CDC16: variants seen among roughly 807,000 people sequenced by gnomAD.
The protein encoded by CDC16 is cell division cycle 16, also known as cell division cycle protein 16 homolog.
CDC16 carries 34 observed loss-of-function variants against 87.0 expected under a neutral mutation model. That is an observed-to-expected ratio of 0.39 (90% CI 0.30 to 0.52). The LOEUF (loss-of-function observed/expected upper bound fraction) is 0.52. Ranked by LOEUF, CDC16 falls within the 20% of genes least tolerant of loss-of-function variation. The probability of loss-of-function intolerance (pLI) is 0.74; values close to 1 mark genes in which losing one functional copy is unlikely to be tolerated. For missense variants in CDC16, 653 were observed against 751.9 expected (o/e 0.87, Z 1.54); for synonymous variants, 263 against 260.6 (o/e 1.01, Z -0.09).
At chr13:114,253,658 C>T (rs1432337213) in intron 12 of CDC16, among the ~76,000 whole-genome samples, 2 of 146,866 alleles carry the variant, frequency 1.4e-5, no homozygotes, top group Non-Finnish European at 3.0e-5. Flanking sequence ...CACTGCACTC[C>T]AGCCTGGGCG....
intron 5 of CDC16, among the ~76,000 whole-genome samples, chr13:114,240,177 T>TA (rs2081473651): frequency 6.6e-6 from 1 of 152,134 alleles, no homozygotes; most frequent in African/African-American, 2.4e-5. Flanking sequence ...CTGTAAGCCT[T>TA]ACCTGACCTA....
intron 17 of CDC16, among the ~76,000 whole-genome samples, chr13:114,269,074 C>G (rs982703738): frequency 1.3e-5 from 2 of 152,176 alleles, no homozygotes; most frequent in Non-Finnish European, 2.9e-5. Context: ...TTTTACAATT[C>G]TGTGGGTTGA....
rs1352633302 is a variant in CDC16, at chr13:114,251,982, TGG to T, written c.1097+1309_1097+1310del. On this transcript the variant is annotated intron_variant, in intron 12 of 17. Transcript: ENST00000356221. Reference sequence around the variant, plus strand: ...GATAAGAGCCCTACACTAGCCCTGTTGGATAAGAGCCCTACACTAACCCTGTT... The same window carrying T: ...GATAAGAGCCCTACACTAGCCCTGTTATAAGAGCCCTACACTAACCCTGTT... Among the ~76,000 whole-genome samples, 94 of 150,862 alleles carry T rather than the reference TGG, an allele frequency of 6.2e-4. 1 individual carries two copies. The highest frequency in any genetic ancestry group is 2.2e-3 in the African/African-American group (91 of 40,840).
intron 8 of CDC16, 64 bp downstream of exon 8, chr13:114,244,053 C>G (rs2081709299): frequency 1.8e-6 from 2 of 1,106,902 alleles, no homozygotes; most frequent in Non-Finnish European, 2.7e-6. Flanking sequence ...CTAGGTGATT[C>G]ACGGACGTGC....
intron 1 of CDC16, 64 bp from the exon 2 acceptor site, chr13:114,236,577 TTAGA>T (rs2081261460): frequency 7.7e-7 from 1 of 1,305,414 alleles, no homozygotes. Context: ...TATAATAATA[TTAGA>T]TAACTGTTTA....
At chr13:114,270,756 A>G (rs1345831956) in intron 17 of CDC16, among the ~76,000 whole-genome samples, 1 of 152,190 alleles carries the variant, frequency 6.6e-6, no homozygotes, top group Non-Finnish European at 1.5e-5. Context: ...TTGAAGCCTC[A>G]GCTCTGCCCC....
At chr13:114,237,262 C>A (rs1331565131) in intron 3 of CDC16, among the ~76,000 whole-genome samples, 1 of 151,784 alleles carries the variant, frequency 6.6e-6, no homozygotes, top group Non-Finnish European at 1.5e-5. Flanking sequence ...GTGTATATTC[C>A]ATTTCTGTTG....
chr13:114,245,501 A>G (rs911386181), intron 9 of CDC16, among the ~76,000 whole-genome samples: 1 of 152,198 alleles, frequency 6.6e-6, no homozygotes, highest in African/African-American at 2.4e-5. Context: ...TGGTTCGTGG[A>G]CCAGCAACAT....
At chr13:114,250,491 C>CAAAAA in intron 11 of CDC16, 58 bp from the exon 12 acceptor site, 2 of 1,244,026 alleles carry the variant, frequency 1.6e-6, no homozygotes, top group Admixed American at 2.6e-5. Context: ...GACTTTGTCT[C>CAAAAA]AAAAAAAAAA....
intron 9 of CDC16, 185 bp from the exon 10 acceptor site, chr13:114,245,815 G>T (rs1264565573): frequency 7.4e-6 from 4 of 539,890 alleles, no homozygotes; most frequent in Non-Finnish European, 1.3e-5. Context: ...TTCCCACCTT[G>T]CCCACAGTGT....
chr13:114,247,684 CCTGA>C (rs2081947499), intron 11 of CDC16, among the ~76,000 whole-genome samples: 1 of 152,056 alleles, frequency 6.6e-6, no homozygotes, highest in Non-Finnish European at 1.5e-5. Flanking sequence ...TCAAGACCAG[CCTGA>C]CTAACATGGT....
chr13:114,241,293 T>C (rs914328454), intron 5 of CDC16, among the ~76,000 whole-genome samples: 10 of 152,298 alleles, frequency 6.6e-5, no homozygotes, highest in Admixed American at 5.9e-4. Flanking sequence ...GGATAGGAAA[T>C]GGAGGCCAAG....
intron 14 of CDC16, among the ~76,000 whole-genome samples, chr13:114,260,538 C>G (rs553464460): frequency 2.6e-5 from 4 of 152,240 alleles, no homozygotes; most frequent in African/African-American, 9.6e-5. Flanking sequence ...GATTATCACG[C>G]ACAGAAAAGT....
chr13:114,246,957 C>CTA lies in CDC16; in HGVS notation c.926_927dup (p.Leu310IlefsTer30). ...TGTCTTGGTTTGCAGTGGGATGTTA[C>CTA]TATCTCATGGTCGGTCATAAAAATG... On this transcript the variant is annotated frameshift_variant, in exon 11 of 18. Coordinates refer to ENST00000356221, the MANE Select transcript of CDC16 (RefSeq NM_001078645.3). LOFTEE classifies it high-confidence loss of function. The CTA allele has an allele frequency of 6.2e-7, 1 of 1,612,978 alleles. No homozygotes were observed. The highest frequency in any genetic ancestry group is 8.5e-7 in the Non-Finnish European group (1 of 1,179,058).
intron 12 of CDC16, among the ~76,000 whole-genome samples, chr13:114,255,957 G>GCAGC (rs1471289353): frequency 7.9e-5 from 12 of 152,244 alleles, no homozygotes; most frequent in African/African-American, 2.4e-4. Flanking sequence ...AGGTCAAATA[G>GCAGC]CAGCAGTTCC....
At chr13:114,264,890 G>A in intron 16 of CDC16, 1 of 335,520 alleles carries the variant, frequency 3.0e-6, no homozygotes, top group Non-Finnish European at 5.8e-6. Flanking sequence ...TTACAGGCAT[G>A]AGCCACTGCG....
At chr13:114,244,561 C>T in intron 8 of CDC16, 1 of 195,668 alleles carries the variant, frequency 5.1e-6, no homozygotes, top group Non-Finnish European at 1.0e-5. Context: ...GTTATTTTTG[C>T]ACCAACCTAA....
intron 12 of CDC16, among the ~76,000 whole-genome samples, chr13:114,256,716 A>G (rs2082521717): frequency 6.6e-6 from 1 of 152,234 alleles, no homozygotes; most frequent in Non-Finnish European, 1.5e-5. Flanking sequence ...ATCTTGAAGG[A>G]TAAATGGTGG....
At chr13:114,271,160 A>G (rs1311232563) in intron 17 of CDC16, among the ~76,000 whole-genome samples, 1 of 151,940 alleles carries the variant, frequency 6.6e-6, no homozygotes, top group African/African-American at 2.4e-5. Context: ...TGACCTCGTG[A>G]TCCACCCGCC....
Sources: gnomAD v4.1 joint callset for allele counts (sites outside exome capture counted in the v4.1 genomes callset) on GRCh38, gnomAD v4.1.1 for gene constraint, MANE v1.5 for transcripts, NCBI Gene and HGNC (gene_info 2026-07-23, HGNC 2026-07-21) for gene names.